KLHL29: variants seen among roughly 807,000 people sequenced by gnomAD.
The protein encoded by KLHL29 is kelch-like protein 29.
Under a neutral mutation model 80.4 loss-of-function variants are expected in KLHL29, and 21 were observed. That is an observed-to-expected ratio of 0.26 (90% CI 0.19 to 0.38). The LOEUF is 0.38. KLHL29 is among the 10% of genes least tolerant of loss of function. The pLI is 1.00. For missense variants in KLHL29, 867 were observed against 1,223.9 expected (o/e 0.71, Z 4.35); for synonymous variants, 511 against 526.8 (o/e 0.97, Z 0.41).
At chr2:23,541,613 T>C (rs1666837110) in intron 2 of KLHL29, among the ~76,000 whole-genome samples, 1 of 152,194 alleles carries the variant, frequency 6.6e-6, no homozygotes, top group Admixed American at 6.5e-5. Context: ...AGACAGGAGC[T>C]AACCAGCAAT....
chr2:23,525,832 G>A (rs7557803), intron 2 of KLHL29, among the ~76,000 whole-genome samples: 75,808 of 151,050 alleles, frequency 0.5, 19,425 homozygotes, highest in East Asian at 0.59. Flanking sequence ...CCACCTATTC[G>A]GGCTCATTCT....
rs1553353334 is a variant in KLHL29 at position 23,670,917 on chromosome 2, GCT to G, written c.941-13420_941-13419del. Among the ~76,000 whole-genome samples the G allele has an allele frequency of 7.6e-3, 141 of 18,566 alleles. 54 individuals carry two copies. The highest frequency in any genetic ancestry group is 0.077 in the Middle Eastern group (2 of 26). 12.2% of individuals were successfully genotyped at this position (18,566 alleles called of 152,430 possible). On this transcript the variant is annotated intron_variant, in intron 5 of 13. Transcript: ENST00000486442. ...GAGGGGTCTCTACACACATGCACGC[GCT>G]CTCTCTCTCTCTCTCTCTCTCTCTC...
intron 5 of KLHL29, among the ~76,000 whole-genome samples, chr2:23,670,947 T>C (rs866631964): frequency 2.4e-4 from 4 of 16,792 alleles, no homozygotes; most frequent in East Asian, 6.8e-3. Flanking sequence ...TCTCTCTCTC[T>C]CTCTCTCTCT....
chr2:23,665,823 T>G (rs1670538200), intron 5 of KLHL29, among the ~76,000 whole-genome samples: 1 of 152,116 alleles, frequency 6.6e-6, no homozygotes, highest in Admixed American at 6.5e-5. Flanking sequence ...ACCAAGCTAT[T>G]CACCAGGGGT....
At chr2:23,482,855 TCATTCATTCATTCATC>T (rs1287348550) in intron 2 of KLHL29, among the ~76,000 whole-genome samples, 3 of 102,368 alleles carry the variant, frequency 2.9e-5, no homozygotes, top group Non-Finnish European at 6.8e-5. Context: ...ATTCATTCAT[TCATTCATTCATTCATC>T]CATCACTTAC....
At chr2:23,597,383 GTA>G (rs1558402790) in intron 3 of KLHL29, among the ~76,000 whole-genome samples, 1,482 of 23,402 alleles carry the variant, frequency 0.063, 19 homozygotes, top group South Asian at 0.11. Context: ...GTGTGTGTGT[GTA>G]TATATATATA....
At chr2:23,632,981 GGCAT>G (rs10534997) in intron 3 of KLHL29, among the ~76,000 whole-genome samples, 67,044 of 151,546 alleles carry the variant, frequency 0.44, 15,292 homozygotes, top group East Asian at 0.63. Flanking sequence ...CCAAAAGTCT[GGCAT>G]GGCCAATCAG....
In KLHL29 at chr2:23,512,573, A is replaced by G. The variant is rs189882463; in HGVS notation, c.-46+36906A>G. Among the ~76,000 whole-genome samples the G allele has an allele frequency of 2.9e-3, 446 of 152,392 alleles. 3 individuals carry two copies. Among genetic ancestry groups the G allele is most frequent in the African/African-American group, 0.01 (434 of 41,600 alleles). ...AGTATGCAATAAATGTTAGCGATCA[A>G]TATGGCTTTTTCCACCCAAATGAGT... On this transcript the variant is annotated intron_variant, in intron 2 of 13. Transcript: ENST00000486442.
intron 5 of KLHL29, among the ~76,000 whole-genome samples, chr2:23,662,001 A>G (rs543110463): frequency 2.4e-4 from 36 of 152,310 alleles, no homozygotes; most frequent in African/African-American, 8.7e-4. Flanking sequence ...TTTTGAGTGT[A>G]TGAGTGAATG....
chr2:23,636,704 C>A (rs751361998), intron 3 of KLHL29, among the ~76,000 whole-genome samples: 8 of 152,228 alleles, frequency 5.3e-5, no homozygotes, highest in Non-Finnish European at 1.0e-4. Context: ...GCAGAAGAAA[C>A]AAACTAAATG....
intron 2 of KLHL29, among the ~76,000 whole-genome samples, chr2:23,510,782 G>A (rs1046267850): frequency 3.3e-5 from 5 of 152,172 alleles, no homozygotes; most frequent in African/African-American, 1.2e-4. Flanking sequence ...CAGGTGTAGG[G>A]CTGAGAGAGA....
At chr2:23,430,017 G>A (rs1006281677) in intron 1 of KLHL29, among the ~76,000 whole-genome samples, 2 of 152,212 alleles carry the variant, frequency 1.3e-5, no homozygotes, top group African/African-American at 4.8e-5. Context: ...AGAAAACCGA[G>A]TAGAGGTTGA....
intron 1 of KLHL29, among the ~76,000 whole-genome samples, chr2:23,415,161 A>G (rs1666954020): frequency 6.6e-6 from 1 of 152,174 alleles, no homozygotes; most frequent in African/African-American, 2.4e-5. Flanking sequence ...ATGGGTCACC[A>G]GTTTCTGATA....
intron 1 of KLHL29, among the ~76,000 whole-genome samples, chr2:23,465,298 G>T (rs1664317721): frequency 6.6e-6 from 1 of 152,204 alleles, no homozygotes; most frequent in Admixed American, 6.5e-5. Context: ...ACAGGAGGCT[G>T]TCAGTGCTGC....
chr2:23,574,159 C>T (rs1667785854), intron 3 of KLHL29, among the ~76,000 whole-genome samples: 1 of 152,128 alleles, frequency 6.6e-6, no homozygotes, highest in East Asian at 1.9e-4. Flanking sequence ...CTCAGCGCCA[C>T]TTTGGAGGAG....
At chr2:23,629,107 A>G (rs1361296565) in intron 3 of KLHL29, among the ~76,000 whole-genome samples, 1 of 152,222 alleles carries the variant, frequency 6.6e-6, no homozygotes, top group Admixed American at 6.5e-5. Context: ...ACGGGCCGCT[A>G]CAAGGAACGC....
intron 5 of KLHL29, among the ~76,000 whole-genome samples, chr2:23,649,158 C>G (rs1223720227): frequency 6.6e-6 from 1 of 152,156 alleles, no homozygotes; most frequent in East Asian, 1.9e-4. Context: ...AATAATCTCC[C>G]AAGTCTGACT....
At chr2:23,691,540 G>C (rs546402735) in intron 6 of KLHL29, 134 bp from the exon 7 acceptor site, 2 of 670,946 alleles carry the variant, frequency 3.0e-6, no homozygotes, top group South Asian at 1.8e-5. Context: ...TTAGGTTCAG[G>C]TGTGTCATTG....
At chr2:23,510,102 C>A (rs563124392) in intron 2 of KLHL29, among the ~76,000 whole-genome samples, 164 of 152,134 alleles carry the variant, frequency 1.1e-3, no homozygotes, top group African/African-American at 3.7e-3. Flanking sequence ...GGAAATGAGA[C>A]GGAGGTGGAG....
Sources: gnomAD v4.1 joint callset for allele counts (sites outside exome capture counted in the v4.1 genomes callset) on GRCh38, gnomAD v4.1.1 for gene constraint, MANE v1.5 for transcripts, NCBI Gene and HGNC (gene_info 2026-07-23, HGNC 2026-07-21) for gene names.